Variants in ZNF699 observed in about 807,000 individuals in gnomAD.
The protein encoded by ZNF699 is hangover homolog.
Under a neutral mutation model 22.5 loss-of-function variants are expected in ZNF699, and 18 were observed. The observed-to-expected ratio is 0.80, with a 90% CI of 0.55 to 1.19. The LOEUF (loss-of-function observed/expected upper bound fraction) is 1.19, where lower values mean the gene tolerates loss of function less well. Among genes scored for constraint, ZNF699 ranks in the 50% most tolerant of loss-of-function variants. ZNF699 has a pLI of 0.00. For synonymous variants in ZNF699, 241 were observed against 262.3 expected (o/e 0.92, Z 0.78); for missense variants, 670 against 763.4 (o/e 0.88, Z 1.44).
rs202059216 is a variant in ZNF699, at chr19:9,295,931, G to A, written c.1473C>T (p.Thr491=). The change falls in exon 6 of 6, where the codon ACC becomes ACT. Residue 491 remains threonine (T), a synonymous_variant. Coordinates refer to ENST00000591998, the MANE Select transcript of ZNF699 (RefSeq NM_198535.3). ...GKTFSRSSSL[T]EHLRTHSGEK... The stretch of plus-strand genomic sequence containing the variant: ...CTCCGCTGTGAGTTCTTAGGTGTTC[G>A]GTGAGGGATGAGGAACGACTAAAGG... 192 of 1,613,464 alleles carry A rather than the reference G, an allele frequency of 1.2e-4. No homozygotes were observed. The highest frequency in any genetic ancestry group is 1.1e-3 in the South Asian group (99 of 91,026).
chr19:9,292,693 A>C lies in ZNF699; in HGVS notation c.*2782T>G, dbSNP rs973919020. Among the ~76,000 whole-genome samples the C allele has an allele frequency of 6.6e-6, 1 of 152,090 alleles. No individual in the cohort carries two copies. Among genetic ancestry groups the C allele is most frequent in the Non-Finnish European group, 1.5e-5 (1 of 68,034 alleles). On this transcript the variant is annotated 3_prime_UTR_variant, in exon 6 of 6. Coordinates refer to ENST00000591998, the MANE Select transcript of ZNF699 (RefSeq NM_198535.3). The stretch of plus-strand genomic sequence containing the variant: ...GAAATGTTATCTGTAATGTATGTAT[A>C]TATAATATACATATTTTATGTATAT...
Position 9,295,363 on chromosome 19 carries a change from C to G in ZNF699, c.*112G>C, listed in dbSNP as rs890953202. On this transcript the variant is annotated 3_prime_UTR_variant, in exon 6 of 6. Coordinates refer to ENST00000591998, the MANE Select transcript of ZNF699 (RefSeq NM_198535.3). ...CTAAAGTGTCCTCAAATCTTCAAAA[C>G]GATGAGCAACAATTTCCTACTTTCT... The G allele has an allele frequency of 2.1e-6, 3 of 1,408,480 alleles. No homozygotes were observed. The highest frequency in any genetic ancestry group is 2.9e-6 in the Non-Finnish European group (3 of 1,051,952). The allele number at this position is 1,408,480 out of a possible 1,614,324, so 87.2% of individuals were successfully genotyped here. A position where few individuals can be genotyped will look rare whatever the true frequency, so the allele number is the denominator to read the frequency against.
At position 9,297,858 on chromosome 19, in the gene ZNF699, AG is replaced by A. The variant is rs748298599; in HGVS notation, c.286+21del. The A allele has an allele frequency of 1.4e-5, 22 of 1,568,322 alleles. No homozygotes were observed. Among genetic ancestry groups the A allele is most frequent in the Non-Finnish European group, 1.7e-5 (19 of 1,143,096 alleles). Reference sequence around the variant, plus strand: ...GTTTATTTTTTCCCCCAACCAAAACAGTTTCTCCCAAGGGTTCTTGCCTTCC... The same window carrying A: ...GTTTATTTTTTCCCCCAACCAAAACATTTCTCCCAAGGGTTCTTGCCTTCC... On this transcript the variant is annotated intron_variant, in intron 4 of 5. Transcript: ENST00000591998. This position sits in a 1 kb window ranked among gnomAD's most constrained non-coding sequence, Gnocchi z 4.3.
At chr19:9,304,348 T>C (rs1232216379) in intron 2 of ZNF699, among the ~76,000 whole-genome samples, 2 of 152,166 alleles carry the variant, frequency 1.3e-5, no homozygotes, top group Admixed American at 1.3e-4. Context: ...GATGGGATTT[T>C]AATGAATAAA....
chr19:9,295,564 G>T lies in ZNF699; in HGVS notation c.1840C>A (p.Pro614Thr). Residue 614 changes from proline (P) to threonine (T), a missense_variant, in exon 6 of 6, where the codon CCC becomes ACC. Pro to Thr is a conservative substitution (Grantham distance 38). Transcript: ENST00000591998. Reference sequence around the variant, plus strand: ...TTCCCACATTCCTTACATTCATAGGGTTTCTCTCCAGTGTGGCTTCTCACA... The same window carrying T: ...TTCCCACATTCCTTACATTCATAGGTTTTCTCTCCAGTGTGGCTTCTCACA... ...RHVRSHTGEK[P>T]YECKECGKAF... 1 of 1,614,172 alleles carries T rather than the reference G, an allele frequency of 6.2e-7. No individual in the cohort carries two copies. The highest frequency in any genetic ancestry group is 8.5e-7 in the Non-Finnish European group (1 of 1,180,018).
At chr19:9,303,821 C>CTTTT (rs144086110) in intron 2 of ZNF699, among the ~76,000 whole-genome samples, 1 of 136,242 alleles carries the variant, frequency 7.3e-6, no homozygotes, top group Non-Finnish European at 1.5e-5. Flanking sequence ...AAATTGTTTT[C>CTTTT]TTTTTTTTTT....
chr19:9,293,350 C>T lies in ZNF699; in HGVS notation c.*2125G>A, dbSNP rs894477311. Reference sequence around the variant, plus strand: ...TTCATGCATTGTTTTGGGGATTATTCGTGGAATCGATATTTTTTGAAAACT... The same window carrying T: ...TTCATGCATTGTTTTGGGGATTATTTGTGGAATCGATATTTTTTGAAAACT... On this transcript the variant is annotated 3_prime_UTR_variant, in exon 6 of 6. Transcript: ENST00000591998. Among the ~76,000 whole-genome samples, 2 of 151,994 alleles carry T rather than the reference C, an allele frequency of 1.3e-5. No individual in the cohort carries two copies. Among genetic ancestry groups the T allele is most frequent in the African/African-American group, 2.4e-5 (1 of 41,380 alleles).
chr19:9,297,943 C>T lies in ZNF699; in HGVS notation c.223G>A (p.Glu75Lys). ...TCTCTCTTCACTGTCTGCAGGTCCT[C>T]CTCTTGTTCCCACTGGGAGATCAGA... ...PHLISQWEQEEDLQTVKRELI... is the reference protein window; with the variant it reads ...PHLISQWEQEKDLQTVKRELI... The change falls in exon 4 of 6, where the codon GAG becomes AAG. Residue 75 changes from glutamate (E) to lysine (K), a missense_variant. Coordinates refer to ENST00000591998, the MANE Select transcript of ZNF699 (RefSeq NM_198535.3). This position sits in a 1 kb window ranked among gnomAD's most constrained non-coding sequence, Gnocchi z 4.3. 6.2e-7 allele frequency: 1 copy of T among 1,613,712 alleles called. No homozygotes were observed. Among genetic ancestry groups the T allele is most frequent in the Non-Finnish European group, 8.5e-7 (1 of 1,179,962 alleles).
chr19:9,298,636 T>C (rs2066296020), intron 3 of ZNF699, among the ~76,000 whole-genome samples: 1 of 152,172 alleles, frequency 6.6e-6, no homozygotes, highest in African/African-American at 2.4e-5. Context: ...TCTGAAATCA[T>C]GATAAAATGA....
Position 9,296,441 on chromosome 19 carries a change from TGAG to T in ZNF699, c.960_962del (p.Ser321del), listed in dbSNP as rs1480234379. ...TGTGAATTCTTTTGTGTTTGGAGAG[TGAG>T]GAGGAACAACTGAAGGCCTTCCCAC... On this transcript the variant is annotated inframe_deletion, in exon 6 of 6. Transcript: ENST00000591998. 6.2e-7 allele frequency: 1 copy of T among 1,604,194 alleles called. No individual in the cohort carries two copies. The highest frequency in any genetic ancestry group is 8.5e-7 in the Non-Finnish European group (1 of 1,176,626).
chr19:9,295,813 AG>A lies in ZNF699; in HGVS notation c.1590del (p.Tyr531MetfsTer20). 2 of 1,614,168 alleles carry A rather than the reference AG, an allele frequency of 1.2e-6. No individual in the cohort carries two copies. Among genetic ancestry groups the A allele is most frequent in the Non-Finnish European group, 1.7e-6 (2 of 1,180,018 alleles). On this transcript the variant is annotated frameshift_variant, in exon 6 of 6. Coordinates refer to ENST00000591998, the MANE Select transcript of ZNF699 (RefSeq NM_198535.3). LOFTEE classifies it low-confidence loss of function (END_TRUNC). ...VHIRTHTGEK[P>X]YECKKCGKAF... ...GCTTTCCCACATTTCTTACATTCAT[AG>A]GGTTTCTCTCCAGTGTGAGTTCTGA...
chr19:9,306,333 A>C (rs150542094), intron 1 of ZNF699, among the ~76,000 whole-genome samples: 2,179 of 151,982 alleles, frequency 0.014, 30 homozygotes, highest in African/African-American at 0.028. Context: ...CGGAGGTTGC[A>C]GCAAGCCGAG....
At position 9,295,239 on chromosome 19, in the gene ZNF699, G is replaced by T; in HGVS notation, c.*236C>A. On this transcript the variant is annotated 3_prime_UTR_variant, in exon 6 of 6. Transcript: ENST00000591998. ...CAACGAGCCAGCATTCTACTTTAAG[G>T]ATGAGGCACTGATCTTCATTTCTAG... 1 of 505,732 alleles carries T rather than the reference G, an allele frequency of 2.0e-6. No homozygotes were observed. The highest frequency in any genetic ancestry group is 3.1e-5 in the East Asian group (1 of 32,212). The allele number at this position is 505,732 out of a possible 1,614,324, so 31.3% of individuals were successfully genotyped here.
intron 3 of ZNF699, among the ~76,000 whole-genome samples, chr19:9,299,513 C>T (rs2066299532): frequency 1.3e-5 from 2 of 152,110 alleles, no homozygotes. Flanking sequence ...TCATAGCTCA[C>T]TGCAGCCTCA....
chr19:9,298,035 T>A (rs1188121120), intron 3 of ZNF699, 45 bp from the exon 4 acceptor site: 1 of 1,288,860 alleles, frequency 7.8e-7, no homozygotes, highest in Non-Finnish European at 1.1e-6. Flanking sequence ...TAATGAAGAA[T>A]CACTAACATT....
chr19:9,309,087 C>T (rs1298522418), intron 1 of ZNF699, among the ~76,000 whole-genome samples: 1 of 151,606 alleles, frequency 6.6e-6, no homozygotes, highest in Non-Finnish European at 1.5e-5. Context: ...CTCACTGCAA[C>T]CTCTGCCTCC....
At chr19:9,302,887 G>A (rs962798454) in intron 2 of ZNF699, among the ~76,000 whole-genome samples, 10 of 152,046 alleles carry the variant, frequency 6.6e-5, no homozygotes, top group African/African-American at 1.9e-4. Flanking sequence ...ATAGCTGGGC[G>A]TGGTGGCATG....
At chr19:9,301,920 G>A (rs77887291) in intron 3 of ZNF699, among the ~76,000 whole-genome samples, 1 of 120,304 alleles carries the variant, frequency 8.3e-6, no homozygotes, top group Admixed American at 8.8e-5. Flanking sequence ...TTTTTTTTTT[G>A]AGATGGAGTT....
At position 9,297,764 on chromosome 19, in the gene ZNF699, C is replaced by A. The variant is rs913934835; in HGVS notation, c.286+116G>T. 82 of 757,336 alleles carry A rather than the reference C, an allele frequency of 1.1e-4. 1 individual carries two copies. In the East Asian group the frequency reaches 2.0e-3, roughly 19 times the overall value. 46.9% of individuals were successfully genotyped at this position (757,336 alleles called of 1,614,324 possible). On this transcript the variant is annotated intron_variant, in intron 4 of 5. Transcript: ENST00000591998. This position sits in a 1 kb window ranked among gnomAD's most constrained non-coding sequence, Gnocchi z 4.3. ...AGGACTGATAAAAAGTCAAAATAGT[C>A]ATCTGAGCTATCTGTGGAAGATGAG...
Sources: gnomAD v4.1 joint callset for allele counts (sites outside exome capture counted in the v4.1 genomes callset) on GRCh38, gnomAD v4.1.1 for gene constraint, Gnocchi (gnomAD v3.1) non-coding constraint, MANE v1.5 for transcripts, NCBI Gene and HGNC (gene_info 2026-07-23, HGNC 2026-07-21) for gene names.